NRXN3: variants seen among roughly 807,000 people sequenced by gnomAD.
The protein encoded by NRXN3 is neurexin 3, also known as neurexin III.
A neutral mutation model predicts 137.6 loss-of-function variants in NRXN3; 32 were observed. The ratio of observed to expected loss-of-function variants is 0.23; its 90% CI spans 0.18 to 0.31. NRXN3 has a LOEUF of 0.31. NRXN3 is among the 10% of genes least tolerant of loss of function. NRXN3 has a pLI of 1.00. For missense variants in NRXN3, 1,574 were observed against 2,062.5 expected (o/e 0.76, Z 4.59); for synonymous variants, 798 against 784.5 (o/e 1.02, Z -0.29).
intron 15 of NRXN3, among the ~76,000 whole-genome samples, chr14:79,132,635 A>G (rs772295080): frequency 1.3e-5 from 2 of 152,202 alleles, no homozygotes; most frequent in Non-Finnish European, 2.9e-5. Flanking sequence ...TAGGCAACAT[A>G]ATGCAAATTT....
chr14:78,900,960 C>T (rs959271706), intron 10 of NRXN3, among the ~76,000 whole-genome samples: 5 of 152,040 alleles, frequency 3.3e-5, no homozygotes, highest in Admixed American at 6.6e-5. Flanking sequence ...CGCCCAACAT[C>T]ACTAGGGCAT....
chr14:79,541,727 C>T (rs1252405186), intron 16 of NRXN3, among the ~76,000 whole-genome samples: 2 of 152,194 alleles, frequency 1.3e-5, no homozygotes, highest in Non-Finnish European at 2.9e-5. Flanking sequence ...ATGACTATTA[C>T]TCCTAATGCC....
intron 8 of NRXN3, among the ~76,000 whole-genome samples, chr14:78,796,505 C>A (rs530456502): frequency 3.8e-4 from 58 of 152,262 alleles, no homozygotes; most frequent in African/African-American, 1.4e-3. Flanking sequence ...TGATGGCAAG[C>A]AGCTTATAGG....
At chr14:78,603,792 G>A (rs2097221494) in intron 4 of NRXN3, among the ~76,000 whole-genome samples, 1 of 152,078 alleles carries the variant, frequency 6.6e-6, no homozygotes, top group Admixed American at 6.5e-5. Flanking sequence ...ACCTAGACTA[G>A]CCCCATGAGC....
At chr14:79,143,497 G>C (rs779223646) in intron 15 of NRXN3, among the ~76,000 whole-genome samples, 23 of 152,220 alleles carry the variant, frequency 1.5e-4, no homozygotes, top group Non-Finnish European at 2.8e-4. Context: ...CATCCACCAG[G>C]CTAAGGTTCT....
intron 19 of NRXN3, among the ~76,000 whole-genome samples, chr14:79,703,321 C>CTGA (rs547641617): frequency 3.5e-4 from 54 of 152,262 alleles, no homozygotes; most frequent in Non-Finnish European, 6.9e-4. Flanking sequence ...AGCCTTGATA[C>CTGA]TGATGATTAC....
intron 12 of NRXN3, 96 bp downstream of exon 12, chr14:78,966,502 C>T: frequency 1.6e-6 from 2 of 1,280,308 alleles, no homozygotes; most frequent in Non-Finnish European, 2.2e-6. Flanking sequence ...TATTCTACTC[C>T]CTACCCTCCA....
chr14:79,541,720 A>G (rs1481860122), intron 16 of NRXN3, among the ~76,000 whole-genome samples: 1 of 152,188 alleles, frequency 6.6e-6, no homozygotes, highest in Non-Finnish European at 1.5e-5. Flanking sequence ...CTGGAAAATG[A>G]CTATTACTCC....
At chr14:78,221,923 A>G (rs1292750258) in intron 1 of NRXN3, among the ~76,000 whole-genome samples, 8 of 152,160 alleles carry the variant, frequency 5.3e-5, no homozygotes. Context: ...AATAGACTCC[A>G]CCCATGCAGG....
chr14:78,961,012 A>ATTT (rs201893544), intron 11 of NRXN3, among the ~76,000 whole-genome samples: 7 of 137,222 alleles, frequency 5.1e-5, no homozygotes, highest in African/African-American at 1.1e-4. Context: ...GTATTTGCTA[A>ATTT]TTTTTTTTTT....
intron 4 of NRXN3, among the ~76,000 whole-genome samples, chr14:78,553,799 C>T (rs1329678416): frequency 6.6e-6 from 1 of 152,120 alleles, no homozygotes; most frequent in Non-Finnish European, 1.5e-5. Context: ...TTAATTTTAT[C>T]CCTCAACTCA....
rs555527434 is a variant in NRXN3, at chr14:79,575,463, A to G, written c.3445-88315A>G. Among the ~76,000 whole-genome samples the G allele has an allele frequency of 2.6e-5, 4 of 152,322 alleles. No homozygotes were observed. The East Asian group carries it at 7.7e-4, about 29-fold the overall frequency. ...TGAGGTTCAAGAAAGGATAAAAGGT[A>G]AAGTGGCTGAATTTAAATGACCTGG... On this transcript the variant is annotated intron_variant, in intron 16 of 20. Coordinates refer to ENST00000335750, the MANE Select transcript of NRXN3 (RefSeq NM_001330195.2).
In NRXN3 at chr14:79,287,582, A is replaced by C. The variant is rs181775328; in HGVS notation, c.3263-179639A>C. The stretch of plus-strand genomic sequence containing the variant: ...ATGTGGAAGTGAAGTACTTCTTTTA[A>C]TGCAATTTCTTAGGCTTACTAGGGC... On this transcript the variant is annotated intron_variant, in intron 15 of 20. Coordinates refer to ENST00000335750, the MANE Select transcript of NRXN3 (RefSeq NM_001330195.2). Among the ~76,000 whole-genome samples, 9 of 152,236 alleles carry C rather than the reference A, an allele frequency of 5.9e-5. No individual in the cohort carries two copies. The East Asian group carries it at 1.2e-3, about 20-fold the overall frequency.
At chr14:78,739,006 G>C (rs780374738) in intron 8 of NRXN3, among the ~76,000 whole-genome samples, 4 of 152,144 alleles carry the variant, frequency 2.6e-5, no homozygotes, top group Non-Finnish European at 4.4e-5. Flanking sequence ...TTACCACACT[G>C]TCTCTGTCTC....
intron 4 of NRXN3, among the ~76,000 whole-genome samples, chr14:78,332,488 G>T (rs2366153): frequency 0.22 from 32,798 of 151,754 alleles, 4,035 homozygotes; most frequent in East Asian, 0.29. Context: ...GCTAATTTTT[G>T]TATTTTTAGT....
At chr14:79,833,624 G>A (rs1195423659) in intron 20 of NRXN3, among the ~76,000 whole-genome samples, 1 of 37,382 alleles carries the variant, frequency 2.7e-5, no homozygotes, top group African/African-American at 9.0e-5. Flanking sequence ...AAAAAATGTT[G>A]AGAAATCACC....
intron 15 of NRXN3, among the ~76,000 whole-genome samples, chr14:79,153,794 T>G (rs2060009205): frequency 6.6e-6 from 1 of 152,006 alleles, no homozygotes; most frequent in Non-Finnish European, 1.5e-5. Flanking sequence ...ATTTTTTAAA[T>G]TTATCCAGTA....
chr14:78,804,532 A>G (rs1216171978), intron 9 of NRXN3, among the ~76,000 whole-genome samples: 1 of 152,178 alleles, frequency 6.6e-6, no homozygotes, highest in Admixed American at 6.5e-5. Flanking sequence ...TTGTACTATC[A>G]CTCACTAATA....
intron 8 of NRXN3, among the ~76,000 whole-genome samples, chr14:78,757,605 T>C (rs977240775): frequency 2.6e-5 from 4 of 152,114 alleles, no homozygotes; most frequent in African/African-American, 9.7e-5. Flanking sequence ...AACTCTGCAT[T>C]TCCCAAAGGA....
Sources: allele counts gnomAD v4.1 joint callset (sites outside exome capture counted in the v4.1 genomes callset), GRCh38; gene constraint gnomAD v4.1.1; transcripts MANE v1.5; gene names NCBI Gene and HGNC (gene_info 2026-07-23, HGNC 2026-07-21).